Variants in HSPA14 observed in about 807,000 individuals in gnomAD.
HSPA14 encodes the protein heat shock 70 kDa protein 14.
HSPA14 carries 37 observed loss-of-function variants against 65.5 expected under a neutral mutation model. The observed-to-expected ratio is 0.56, with a 90% CI of 0.43 to 0.74. HSPA14 has a LOEUF of 0.74. HSPA14 is among the 30% of genes least tolerant of loss of function. The probability of loss-of-function intolerance (pLI) is 0.00; values close to 1 mark genes in which losing one functional copy is unlikely to be tolerated. For synonymous variants in HSPA14, 203 were observed against 214.2 expected (o/e 0.95, Z 0.46); for missense variants, 564 against 607.6 (o/e 0.93, Z 0.75).
chr10:14,863,884 G>C (rs1441005000), intron 10 of HSPA14, among the ~76,000 whole-genome samples: 3 of 152,066 alleles, frequency 2.0e-5, no homozygotes, highest in Non-Finnish European at 4.4e-5. Context: ...TGATCTGATA[G>C]AATTATTGTT....
rs1036608807 is a variant in HSPA14, at chr10:14,842,453, C to T, written c.221+2296C>T. On this transcript the variant is annotated intron_variant, in intron 3 of 13. Coordinates refer to ENST00000378372, the MANE Select transcript of HSPA14 (RefSeq NM_016299.4). This position sits in a 1 kb window ranked among gnomAD's most constrained non-coding sequence, Gnocchi z 5.2. ...GCGAATGCAGCAGGAGGGCTTCCGC[C>T]GCACCGAACGTCAGTGCCGCTCCAA... 33 of 1,536,022 alleles carry T rather than the reference C, an allele frequency of 2.1e-5. No individual in the cohort carries two copies. The highest frequency in any genetic ancestry group is 5.5e-5 in the African/African-American group (4 of 73,028).
chr10:14,854,794 C>T (rs988214039), intron 9 of HSPA14, among the ~76,000 whole-genome samples: 1 of 152,176 alleles, frequency 6.6e-6, no homozygotes, highest in Admixed American at 6.5e-5. Context: ...TAGATCTGCA[C>T]TGCCCAATAA....
At chr10:14,869,717 C>T (rs1235188247) in intron 12 of HSPA14, among the ~76,000 whole-genome samples, 1 of 152,208 alleles carries the variant, frequency 6.6e-6, no homozygotes, top group African/African-American at 2.4e-5. Context: ...AGCGCTTCCA[C>T]ATGAATTGGT....
rs1394810149 is a variant in HSPA14, at chr10:14,838,410, C to T, written c.8C>T (p.Ala3Val). The part of the protein sequence containing the change: MA[A>V]IGVHLGCTSA... Reference sequence around the variant, plus strand: ...TGCCGTCCCTGCTGCCTCATGGCGGCCATCGGAGTTCACCTGGGCTGCACC... The same window carrying T: ...TGCCGTCCCTGCTGCCTCATGGCGGTCATCGGAGTTCACCTGGGCTGCACC... The change falls in exon 1 of 14, where the codon GCC becomes GTC. Residue 3 changes from alanine (A) to valine (V), a missense_variant. Transcript: ENST00000378372. 4 of 1,604,846 alleles carry T rather than the reference C, an allele frequency of 2.5e-6. No individual in the cohort carries two copies. The highest frequency in any genetic ancestry group is 1.7e-5 in the Admixed American group (1 of 59,314).
At chr10:14,865,127 G>A (rs1753226602) in intron 10 of HSPA14, among the ~76,000 whole-genome samples, 1 of 152,212 alleles carries the variant, frequency 6.6e-6, no homozygotes, top group Admixed American at 6.5e-5. Flanking sequence ...CTTCTTTTGA[G>A]AAGTGTCTGT....
At position 14,867,902 on chromosome 10, in the gene HSPA14, T is replaced by C. The variant is rs778868386; in HGVS notation, c.1373T>C (p.Phe458Ser). 6.2e-7 allele frequency: 1 copy of C among 1,612,992 alleles called. No homozygotes were observed. The highest frequency in any genetic ancestry group is 1.3e-5 in the African/African-American group (1 of 74,956). The change falls in exon 12 of 14, where the codon TTT (phenylalanine) becomes TCT (serine). Residue 458 changes from phenylalanine to serine, a missense_variant. Physicochemically the swap from Phe to Ser is radical, Grantham distance 155. Coordinates refer to ENST00000378372, the MANE Select transcript of HSPA14 (RefSeq NM_016299.4). ...AACTCTGCCAAAGAGGAAACCAAGT[T>C]TGCACAGGTGAATACATAAAGTTAG... ...GKNSAKEETKFAQVVLQDLDK... is the reference protein window; with the variant it reads ...GKNSAKEETKSAQVVLQDLDK...
At chr10:14,868,152 C>T (rs568313533) in intron 12 of HSPA14, among the ~76,000 whole-genome samples, 1 of 152,252 alleles carries the variant, frequency 6.6e-6, no homozygotes, top group East Asian at 1.9e-4. Flanking sequence ...CTGTTGTGCT[C>T]TTGGCCTACC....
chr10:14,847,532 A>C (rs921308299), intron 3 of HSPA14, among the ~76,000 whole-genome samples: 3 of 152,204 alleles, frequency 2.0e-5, no homozygotes, highest in Non-Finnish European at 2.9e-5. Flanking sequence ...TGGGCAAGCT[A>C]CTTACCTCTT....
rs1159285157 is a variant in HSPA14, at chr10:14,870,605, C to G, written c.1389C>G (p.Leu463=). 2.5e-6 allele frequency: 4 copies of G among 1,583,932 alleles called. No homozygotes were observed. Among genetic ancestry groups the G allele is most frequent in the Non-Finnish European group, 2.6e-6 (3 of 1,160,028 alleles). The part of the protein sequence containing the change: ...KEETKFAQVV[L]QDLDKKENGL... ...TGTTCTTGTATAAACAGGTTGTACTCCAGGATTTAGATAAAAAAGAAAATG... is the reference window on the plus strand; with the variant it reads ...TGTTCTTGTATAAACAGGTTGTACTGCAGGATTTAGATAAAAAAGAAAATG... The change falls in exon 13 of 14, where the codon CTC becomes CTG. Residue 463 remains leucine, a synonymous_variant. Coordinates refer to ENST00000378372, the MANE Select transcript of HSPA14 (RefSeq NM_016299.4).
rs748995064 is a variant in HSPA14, at chr10:14,839,936, C to T, written c.89C>T (p.Ala30Val). The change falls in exon 2 of 14, where the codon GCC (alanine) becomes GTC (valine). Residue 30 changes from alanine to valine, a missense_variant. By Grantham distance (64) the Ala-to-Val change is moderately conservative. Transcript: ENST00000378372. ...DGRAGVVANDAGDRVTPAVVA... is the reference protein window; with the variant it reads ...DGRAGVVANDVGDRVTPAVVA... ...CGGGCTGGTGTGGTTGCAAATGATGCCGGTGACCGAGTTACTCCAGCTGTT... is the reference window on the plus strand; with the variant it reads ...CGGGCTGGTGTGGTTGCAAATGATGTCGGTGACCGAGTTACTCCAGCTGTT... 1 of 1,612,474 alleles carries T rather than the reference C, an allele frequency of 6.2e-7. No individual in the cohort carries two copies. Among genetic ancestry groups the T allele is most frequent in the Admixed American group, 1.7e-5 (1 of 59,968 alleles).
chr10:14,863,330 G>T (rs1809333626), intron 10 of HSPA14, among the ~76,000 whole-genome samples: 1 of 152,160 alleles, frequency 6.6e-6, no homozygotes, highest in Non-Finnish European at 1.5e-5. Context: ...AGCAGTCCTA[G>T]TTTTTGCTGG....
chr10:14,854,788 T>G (rs1834134083), intron 9 of HSPA14, among the ~76,000 whole-genome samples: 1 of 152,228 alleles, frequency 6.6e-6, no homozygotes, highest in Non-Finnish European at 1.5e-5. Context: ...AGACTCTAGA[T>G]CTGCACTGCC....
chr10:14,845,152 G>A (rs1564320505), intron 3 of HSPA14: 1 of 985,266 alleles, frequency 1.0e-6, no homozygotes, highest in Non-Finnish European at 1.2e-6. Context: ...AGAGATGAAG[G>A]TGATAAGCCA....
Position 14,867,772 on chromosome 10 carries a change from C to G in HSPA14, c.1243C>G (p.Leu415Val). 1 of 1,614,116 alleles carries G rather than the reference C, an allele frequency of 6.2e-7. No individual in the cohort carries two copies. Among genetic ancestry groups the G allele is most frequent in the Non-Finnish European group, 8.5e-7 (1 of 1,180,014 alleles). The change falls in exon 12 of 14, where the codon CTG (leucine) becomes GTG (valine). Residue 415 changes from leucine (L) to valine (V), a missense_variant. Transcript: ENST00000378372. ...ATCAGGAGCCAGTAGATTCACAGTG[C>G]TGTTTCCATCAGGGACTCCTTTGCC... Reference protein sequence around the residue: ...DESGASRFTVLFPSGTPLPAR... With the variant: ...DESGASRFTVVFPSGTPLPAR...
chr10:14,867,283 T>A lies in HSPA14; in HGVS notation c.1194T>A (p.Asp398Glu). 6.2e-7 allele frequency: 1 copy of A among 1,612,264 alleles called. No homozygotes were observed. The highest frequency in any genetic ancestry group is 8.5e-7 in the Non-Finnish European group (1 of 1,178,406). Reference protein sequence around the residue: ...DSLMIECSARDILVKGVDESG... With the variant: ...DSLMIECSAREILVKGVDESG... ...TTATGATAGAGTGTTCAGCCAGAGA[T>A]ATTTTAGTTAAGGTATGTTTAGCTT... Residue 398 changes from aspartate (D) to glutamate (E), a missense_variant, in exon 11 of 14, where the codon GAT (aspartate) becomes GAA (glutamate). Physicochemically the swap from Asp to Glu is conservative, Grantham distance 45. Transcript: ENST00000378372.
At chr10:14,853,807 C>A (rs1834125347) in intron 8 of HSPA14, among the ~76,000 whole-genome samples, 1 of 152,158 alleles carries the variant, frequency 6.6e-6, no homozygotes, top group African/African-American at 2.4e-5. Context: ...GCAATCTCCA[C>A]CTCCCAGGTT....
At chr10:14,843,911 G>A in intron 3 of HSPA14, 1 of 1,535,698 alleles carries the variant, frequency 6.5e-7, no homozygotes, top group Non-Finnish European at 8.7e-7. Context: ...ATTACAAAAG[G>A]CTCTGCTTCC....
At chr10:14,845,270 A>C (rs1388274850) in intron 3 of HSPA14, 4 of 985,342 alleles carry the variant, frequency 4.1e-6, no homozygotes, top group Non-Finnish European at 4.8e-6. Context: ...AGGAATCTTT[A>C]GGATTTAAAA....
intron 10 of HSPA14, among the ~76,000 whole-genome samples, chr10:14,862,294 C>G (rs1832756953): frequency 6.7e-6 from 1 of 149,398 alleles, no homozygotes; most frequent in Non-Finnish European, 1.5e-5. Context: ...TCCCAAAGTG[C>G]TGGGATGACA....
Sources: gnomAD v4.1 joint callset for allele counts (sites outside exome capture counted in the v4.1 genomes callset) on GRCh38, gnomAD v4.1.1 for gene constraint, Gnocchi (gnomAD v3.1) non-coding constraint, MANE v1.5 for transcripts, NCBI Gene and HGNC (gene_info 2026-07-23, HGNC 2026-07-21) for gene names.